LRRC40: variants seen among roughly 807,000 people sequenced by gnomAD.
LRRC40 encodes leucine rich repeat containing 40, also known as leucine-rich repeat-containing protein 40.
A neutral mutation model predicts 72.8 loss-of-function variants in LRRC40; 76 were observed. The ratio of observed to expected loss-of-function variants is 1.04; its 90% CI spans 0.87 to 1.26. LRRC40 has a LOEUF of 1.26. Among genes scored for constraint, LRRC40 ranks in the 50% most tolerant of loss-of-function variants. The pLI is 0.00. For synonymous variants in LRRC40, 243 were observed against 254.2 expected (o/e 0.96, Z 0.42); for missense variants, 684 against 698.9 (o/e 0.98, Z 0.24).
intron 12 of LRRC40, among the ~76,000 whole-genome samples, chr1:70,152,165 A>G (rs1667514728): frequency 6.6e-6 from 1 of 152,170 alleles, no homozygotes; most frequent in South Asian, 2.1e-4. Context: ...AATTTTGCTT[A>G]GAATGGGTTA....
intron 2 of LRRC40, among the ~76,000 whole-genome samples, chr1:70,187,962 GTTTCAA>G (rs1238456365): frequency 6.6e-6 from 1 of 152,064 alleles, no homozygotes; most frequent in Admixed American, 6.6e-5. Flanking sequence ...CATTAGTAGA[GTTTCAA>G]TTTCAAAGAA....
At chr1:70,168,047 G>A (rs1280129928) in intron 9 of LRRC40, among the ~76,000 whole-genome samples, 1 of 152,144 alleles carries the variant, frequency 6.6e-6, no homozygotes, top group East Asian at 1.9e-4. Context: ...CTAGGTCAGA[G>A]AGGCAGAAAC....
rs138951549 is a variant in LRRC40, at chr1:70,154,683, A to C, written c.1328+1006T>G. On this transcript the variant is annotated intron_variant, in intron 11 of 14. Coordinates refer to ENST00000370952, the MANE Select transcript of LRRC40 (RefSeq NM_017768.5). ...TTTTAAAAGCTTTAAACATCTAAAAAATTTTTGATAGTCAGATGAAAGTCA... is the reference window on the plus strand; with the variant it reads ...TTTTAAAAGCTTTAAACATCTAAAACATTTTTGATAGTCAGATGAAAGTCA... Among the ~76,000 whole-genome samples, 1,125 of 152,292 alleles carry C rather than the reference A, an allele frequency of 7.4e-3. 5 individuals are homozygous for C. The highest frequency in any genetic ancestry group is 0.011 in the Non-Finnish European group (778 of 68,000).
rs1323053394 is a variant in LRRC40 at position 70,159,350 on chromosome 1, T to C, written c.1200A>G (p.Thr400=). ...ESRVNIHAII[T]LKILDYSDKQ... is the part of the protein sequence containing the mutation. The stretch of plus-strand genomic sequence containing the variant: ...CATACCTATAGTCTAATATTTTTAA[T>C]GTAATGATGGCATGTATATTGACTC... The change falls in exon 10 of 15, where the codon ACA becomes ACG. Residue 400 remains threonine (T), a synonymous_variant. Transcript: ENST00000370952. 6.7e-7 allele frequency: 1 copy of C among 1,489,140 alleles called. No individual in the cohort carries two copies. Among genetic ancestry groups the C allele is most frequent in the Admixed American group, 1.7e-5 (1 of 58,282 alleles). 92.2% of individuals were successfully genotyped at this position (1,489,140 alleles called of 1,614,324 possible).
chr1:70,198,205 T>C (rs898640202), intron 1 of LRRC40, among the ~76,000 whole-genome samples: 1 of 152,204 alleles, frequency 6.6e-6, no homozygotes, highest in Non-Finnish European at 1.5e-5. Context: ...CTAACCAAAC[T>C]GCTCTCTTCA....
chr1:70,179,853 T>TA, intron 5 of LRRC40, among the ~76,000 whole-genome samples: 1 of 152,164 alleles, frequency 6.6e-6, no homozygotes, highest in Non-Finnish European at 1.5e-5. Flanking sequence ...AAGACTCCCC[T>TA]AAAATGTCAA....
At chr1:70,181,978 C>T (rs1272405640) in intron 4 of LRRC40, among the ~76,000 whole-genome samples, 1 of 151,934 alleles carries the variant, frequency 6.6e-6, no homozygotes, top group African/African-American at 2.4e-5. Flanking sequence ...TAAGCAGTGT[C>T]AATGGCAACA....
intron 12 of LRRC40, chr1:70,151,738 T>G (rs966993358): frequency 6.6e-6 from 1 of 152,098 alleles, no homozygotes. Flanking sequence ...TGACTATTTT[T>G]TTTTTTTAGC....
At chr1:70,159,513 A>T (rs1476910263) in intron 9 of LRRC40, 75 bp from the exon 10 acceptor site, 5 of 637,840 alleles carry the variant, frequency 7.8e-6, no homozygotes, top group Non-Finnish European at 1.4e-5. Context: ...TAATATATTA[A>T]AACAGTGTAC....
At chr1:70,166,374 T>C (rs928576902) in intron 9 of LRRC40, among the ~76,000 whole-genome samples, 2 of 152,052 alleles carry the variant, frequency 1.3e-5, no homozygotes, top group African/African-American at 2.4e-5. Flanking sequence ...AATAAATAAA[T>C]ATGGCCTGGG....
At chr1:70,180,166 G>A (rs910726573) in intron 5 of LRRC40, 2 of 151,892 alleles carry the variant, frequency 1.3e-5, no homozygotes, top group African/African-American at 2.4e-5. Flanking sequence ...TCACTATGTT[G>A]CCCAGGCTTC....
chr1:70,180,173 C>T (rs1668211318), intron 5 of LRRC40: 1 of 152,040 alleles, frequency 6.6e-6, no homozygotes, highest in South Asian at 2.1e-4. Context: ...GTTGCCCAGG[C>T]TTCAGTGTAG....
intron 5 of LRRC40, 65 bp from the exon 6 acceptor site, chr1:70,179,058 A>G (rs1174405901): frequency 2.0e-6 from 2 of 985,472 alleles, no homozygotes; most frequent in African/African-American, 1.7e-5. Context: ...ATCGTATACA[A>G]CTTTAAAGAA....
intron 1 of LRRC40, among the ~76,000 whole-genome samples, chr1:70,200,203 A>C (rs1353220633): frequency 2.6e-5 from 4 of 152,202 alleles, no homozygotes; most frequent in African/African-American, 9.7e-5. Flanking sequence ...ACAGTGGCTC[A>C]CACCCATAAT....
chr1:70,186,346 G>A (rs1207769499), intron 3 of LRRC40, among the ~76,000 whole-genome samples: 16 of 152,110 alleles, frequency 1.1e-4, no homozygotes, highest in African/African-American at 3.9e-4. Context: ...TGTCTTTACA[G>A]GCCACGTCTA....
At chr1:70,175,746 T>G in intron 7 of LRRC40, 64 bp downstream of exon 7, 1 of 1,207,134 alleles carries the variant, frequency 8.3e-7, no homozygotes, top group Non-Finnish European at 1.1e-6. Flanking sequence ...TTAACAAATA[T>G]TTCAAATTAT....
At position 70,155,734 on chromosome 1, in the gene LRRC40, G is replaced by C; in HGVS notation, c.1283C>G (p.Thr428Ser). 6.3e-7 allele frequency: 1 copy of C among 1,581,100 alleles called. No homozygotes were observed. Among genetic ancestry groups the C allele is most frequent in the East Asian group, 2.3e-5 (1 of 44,238 alleles). ...VFDAVKSNIV[T>S]SINFSKNQLC... ...TTGATTCTTACTGAAGTTAATAGAA[G>C]TGACGATGTTGCTTTTTACTGCATC... Residue 428 changes from threonine (T) to serine (S), a missense_variant, in exon 11 of 15, where the codon ACT becomes AGT. Thr to Ser is a moderately conservative substitution (Grantham distance 58). Coordinates refer to ENST00000370952, the MANE Select transcript of LRRC40 (RefSeq NM_017768.5).
At chr1:70,185,839 AT>A (rs1327561611) in intron 3 of LRRC40, among the ~76,000 whole-genome samples, 1 of 152,160 alleles carries the variant, frequency 6.6e-6, no homozygotes, top group Non-Finnish European at 1.5e-5. Context: ...ATCATGGAGG[AT>A]GATAGACTTC....
intron 1 of LRRC40, among the ~76,000 whole-genome samples, chr1:70,205,129 G>C (rs1668898790): frequency 6.6e-6 from 1 of 152,212 alleles, no homozygotes; most frequent in Non-Finnish European, 1.5e-5. Context: ...CACAGAATGT[G>C]GGAATCCCAG....
Sources: gnomAD v4.1 joint callset for allele counts (sites outside exome capture counted in the v4.1 genomes callset) on GRCh38, gnomAD v4.1.1 for gene constraint, MANE v1.5 for transcripts, NCBI Gene and HGNC (gene_info 2026-07-23, HGNC 2026-07-21) for gene names.